LRRC56: variants seen among roughly 807,000 people sequenced by gnomAD.
LRRC56 encodes leucine-rich repeat-containing protein 56.
In LRRC56, 41 loss-of-function variants were observed where a neutral mutation model predicts 47.8. That is an observed-to-expected ratio of 0.86 (90% CI 0.67 to 1.11). LRRC56 has a LOEUF of 1.11. Ranked by LOEUF, LRRC56 falls within the 50% of genes most tolerant of loss-of-function variation. LRRC56 has a pLI of 0.00. For synonymous variants in LRRC56, 387 were observed against 311.2 expected (o/e 1.24, Z -2.56); for missense variants, 759 against 704.2 (o/e 1.08, Z -0.88).
the LRRC56 span, among the ~76,000 whole-genome samples, chr11:516,069 A>G: frequency 1.1e-3 from 162 of 152,216 alleles, no homozygotes; most frequent in South Asian, 2.7e-3. Flanking sequence ...CCTGTTACCA[A>G]TGCCACACTG....
chr11:508,334 G>GT, the LRRC56 span, among the ~76,000 whole-genome samples: 1 of 152,180 alleles, frequency 6.6e-6, no homozygotes, highest in South Asian at 2.1e-4. Flanking sequence ...GCTAATTGTT[G>GT]TATTTTATGT....
chr11:533,328 C>T (rs750721065), upstream of LRRC56: 73 of 1,603,888 alleles, frequency 4.6e-5, no homozygotes, highest in Non-Finnish European at 5.9e-5. Context: ...CAGAGGGTCC[C>T]GGAGCTGGAG....
At chr11:540,922 T>G in intron 4 of LRRC56, 61 bp downstream of exon 4, 10 of 1,323,662 alleles carry the variant, frequency 7.6e-6, no homozygotes, top group Non-Finnish European at 1.0e-5. Context: ...ATCCCAGGGC[T>G]CCTTCCTGCT....
chr11:540,539 G>A (rs1851738097), intron 3 of LRRC56, 135 bp from the exon 4 acceptor site: 1 of 690,640 alleles, frequency 1.4e-6, no homozygotes. Flanking sequence ...GCCTTCTCTA[G>A]GCTCGGGGTG....
rs1852314687 is a variant in LRRC56, at chr11:550,244, T to G, written c.596T>G (p.Leu199Arg). The G allele has an allele frequency of 6.2e-7, 1 of 1,607,722 alleles. No homozygotes were observed. Among genetic ancestry groups the G allele is most frequent in the Non-Finnish European group, 8.5e-7 (1 of 1,177,560 alleles). The change falls in exon 8 of 14, where the codon CTA becomes CGA. Residue 199 changes from leucine (L) to arginine (R), a missense_variant. Transcript: ENST00000270115. ...ACCCTGGAGGGCAACCTGGTGTGCC[T>G]ACAGCCGGCCCCTGGCCCCACCAAC... ...MLTLEGNLVC[L>R]QPAPGPTNKV...
Position 541,454 on chromosome 11 carries a change from CCA to C in LRRC56, c.178-82_178-81del. The C allele has an allele frequency of 3.8e-6, 3 of 781,526 alleles. No individual in the cohort carries two copies. Among genetic ancestry groups the C allele is most frequent in the Non-Finnish European group, 5.9e-6 (3 of 507,940 alleles). 48.4% of individuals were successfully genotyped at this position (781,526 alleles called of 1,614,324 possible). A position where few individuals can be genotyped will look rare whatever the true frequency, so the allele number is the denominator to read the frequency against. ...GTCGGTGCCTGCTCCAGCGGGAGCC[CCA>C]GAGTCCTGTAGCCAGAAGCAAGGAT... On this transcript the variant is annotated intron_variant, in intron 4 of 13. Transcript: ENST00000270115. This position sits in a 1 kb window ranked among gnomAD's most constrained non-coding sequence, Gnocchi z 4.1.
At chr11:524,259 C>T in the LRRC56 span, among the ~76,000 whole-genome samples, 53 of 152,238 alleles carry the variant, frequency 3.5e-4, no homozygotes, top group East Asian at 5.4e-3. Context: ...CGAGGGAAGA[C>T]GATGGAGATC....
chr11:540,549 G>T, intron 3 of LRRC56, 125 bp from the exon 4 acceptor site: 13 of 734,462 alleles, frequency 1.8e-5, no homozygotes, highest in Non-Finnish European at 2.8e-5. Flanking sequence ...GGCTCGGGGT[G>T]GGGGTGGGTG....
rs186631285 is a variant in LRRC56, at chr11:553,905, G to A, written c.1316-58G>A. The stretch of plus-strand genomic sequence containing the variant: ...ACGGGTGGGCTGTGGCCTCCCCACC[G>A]GGTGACTCCCTTCCCTGACAGCCTT... On this transcript the variant is annotated intron_variant, in intron 13 of 13. Coordinates refer to ENST00000270115, the MANE Select transcript of LRRC56 (RefSeq NM_198075.4). 1.1e-3 allele frequency: 1,653 copies of A among 1,532,052 alleles called. 10 individuals are homozygous for A. In the Middle Eastern group the frequency reaches 0.013, roughly 12 times the overall value. The allele number at this position is 1,532,052 out of a possible 1,614,324, so 94.9% of individuals were successfully genotyped here.
intron 5 of LRRC56, among the ~76,000 whole-genome samples, chr11:542,593 A>C (rs556970887): frequency 5.0e-4 from 75 of 149,280 alleles, no homozygotes; most frequent in Middle Eastern, 3.4e-3. Flanking sequence ...AAAAAAAAAA[A>C]AAAAAAAAAA....
rs1377185801 is a variant in LRRC56, at chr11:551,714, C to T, written c.860C>T (p.Ser287Phe). ...GAGCTGTCCCTGCCTGAGACGCAGTCCCGGGCCTCCAGGCCCTGGCCCTTC... is the reference window on the plus strand; with the variant it reads ...GAGCTGTCCCTGCCTGAGACGCAGTTCCGGGCCTCCAGGCCCTGGCCCTTC... ...DPELSLPETQ[S>F]RASRPWPFSL... The change falls in exon 10 of 14, where the codon TCC becomes TTC. Residue 287 changes from serine (S) to phenylalanine (F), a missense_variant. Transcript: ENST00000270115. 8 of 1,611,388 alleles carry T rather than the reference C, an allele frequency of 5.0e-6. No homozygotes were observed. The highest frequency in any genetic ancestry group is 6.8e-6 in the Non-Finnish European group (8 of 1,179,250).
chr11:524,567 G>T, the LRRC56 span, among the ~76,000 whole-genome samples: 1 of 152,012 alleles, frequency 6.6e-6, no homozygotes, highest in East Asian at 1.9e-4. Flanking sequence ...GGAGGCGGAG[G>T]TTGTAGTAAG....
the LRRC56 span, among the ~76,000 whole-genome samples, chr11:517,259 C>T: frequency 6.6e-6 from 1 of 152,226 alleles, no homozygotes; most frequent in Admixed American, 6.5e-5. Flanking sequence ...CAGCCTCTGC[C>T]CGGCCGCCAC....
the LRRC56 span, among the ~76,000 whole-genome samples, chr11:515,477 C>CACCGTG: frequency 2.0e-5 from 3 of 152,170 alleles, no homozygotes; most frequent in African/African-American, 7.2e-5. Context: ...TAACCCAAGT[C>CACCGTG]ACACTGACAT....
upstream of LRRC56, chr11:533,261 G>C (rs771825644): frequency 1.3e-6 from 2 of 1,567,346 alleles, no homozygotes; most frequent in Non-Finnish European, 8.6e-7. Flanking sequence ...CTGCCCTGCC[G>C]TCCCGGGAGA....
intron 6 of LRRC56, among the ~76,000 whole-genome samples, chr11:545,999 G>A (rs1161072442): frequency 6.6e-6 from 1 of 152,182 alleles, no homozygotes; most frequent in African/African-American, 2.4e-5. Context: ...GGCCGGGCAC[G>A]GTGTCTCACG....
intron 13 of LRRC56, 144 bp from the exon 14 acceptor site, chr11:553,819 G>A: frequency 1.4e-6 from 1 of 693,322 alleles, no homozygotes; most frequent in East Asian, 2.7e-5. Context: ...ACAGAAAGTG[G>A]GGTGCAGGGG....
the LRRC56 span, among the ~76,000 whole-genome samples, chr11:510,370 G>C: frequency 5.9e-5 from 9 of 152,154 alleles, no homozygotes; most frequent in Admixed American, 5.2e-4. Context: ...GGGAGGCCGA[G>C]GCAGGCGGAT....
At chr11:508,200 C>G in the LRRC56 span, among the ~76,000 whole-genome samples, 2 of 152,346 alleles carry the variant, frequency 1.3e-5, no homozygotes, top group African/African-American at 4.8e-5. Context: ...GGGTCTCACT[C>G]CACTGCTTAG....
Sources: allele counts gnomAD v4.1 joint callset (sites outside exome capture counted in the v4.1 genomes callset), GRCh38; gene constraint gnomAD v4.1.1; non-coding constraint Gnocchi (gnomAD v3.1); transcripts MANE v1.5; gene names NCBI Gene and HGNC (gene_info 2026-07-23, HGNC 2026-07-21).